Variants in SRA1 observed in about 807,000 individuals in gnomAD.
SRA1 encodes steroid receptor RNA activator 1, also known as lncRNA SRA.
SRA1 carries 25 observed loss-of-function variants against 24.3 expected under a neutral mutation model. The ratio of observed to expected loss-of-function variants is 1.03; its 90% CI spans 0.75 to 1.43. SRA1 has a LOEUF of 1.43. Ranked by LOEUF, SRA1 falls within the 40% of genes most tolerant of loss-of-function variation. The pLI is 0.00. For missense variants in SRA1, 303 were observed against 286.6 expected, an observed-to-expected ratio of 1.06 and a Z score of -0.41; for synonymous variants, 104 against 109.5, an observed-to-expected ratio of 0.95 and a Z score of 0.31.
chr5:140,557,118 C>A (rs1467534580), intron 2 of SRA1, 29 bp downstream of exon 2: 2 of 1,238,318 alleles, frequency 1.6e-6, no homozygotes, highest in African/African-American at 1.7e-5. Flanking sequence ...CATTCTCCGT[C>A]TGTCTCCGAG....
chr5:140,551,287 G>T (rs1754554318), intron 3 of SRA1, 118 bp from the exon 4 acceptor site: 2 of 714,950 alleles, frequency 2.8e-6, no homozygotes, highest in Middle Eastern at 4.0e-4. Flanking sequence ...TAGAATTCTG[G>T]TTCTTTACCC....
At position 140,552,029 on chromosome 5, in the gene SRA1, GCA is replaced by G. The variant is rs1425130764; in HGVS notation, c.305_306del (p.Val102AlafsTer21). The G allele has an allele frequency of 1.3e-6, 2 of 1,592,556 alleles. No individual in the cohort carries two copies. Among genetic ancestry groups the G allele is most frequent in the Non-Finnish European group, 1.7e-6 (2 of 1,168,698 alleles). On this transcript the variant is annotated frameshift_variant, in exon 3 of 5. Coordinates refer to ENST00000336283, the MANE Select transcript of SRA1 (RefSeq NM_001035235.4). LOFTEE classifies it high-confidence loss of function. Reference sequence around the variant, plus strand: ...TCCAATGCCTGTTCCAAAGGTCTCAGCACATCCTCCATCACAGCCTCAGACTC... The same window carrying G: ...TCCAATGCCTGTTCCAAAGGTCTCAGCATCCTCCATCACAGCCTCAGACTC... ...PVESEAVMED[V>X]LRPLEQALED...
At position 140,550,875 on chromosome 5, in the gene SRA1, A is replaced by G. The variant is rs148108594; in HGVS notation, c.500T>C (p.Ile167Thr). 958 of 1,614,068 alleles carry G rather than the reference A, an allele frequency of 5.9e-4. 4 individuals are homozygous for G. The Middle Eastern group carries it at 0.013, about 21-fold the overall frequency. Reference sequence around the variant, plus strand: ...ATGGTCAACCATGAGGGAGCGGTGGATGTCATCTGCTGCGTCCCACCGGTG... The same window carrying G: ...ATGGTCAACCATGAGGGAGCGGTGGGTGTCATCTGCTGCGTCCCACCGGTG... ...SSHRWDAADD[I>T]HRSLMVDHVT... The change falls in exon 5 of 5, where the codon ATC becomes ACC. Residue 167 changes from isoleucine to threonine, a missense_variant. By Grantham distance (89) the Ile-to-Thr change is moderately conservative. Coordinates refer to ENST00000336283, the MANE Select transcript of SRA1 (RefSeq NM_001035235.4).
chr5:140,550,884 G>A lies in SRA1; in HGVS notation c.491C>T (p.Ala164Val). The A allele has an allele frequency of 6.2e-7, 1 of 1,614,112 alleles. No homozygotes were observed. The highest frequency in any genetic ancestry group is 1.3e-5 in the African/African-American group (1 of 75,022). The stretch of plus-strand genomic sequence containing the variant: ...CATGAGGGAGCGGTGGATGTCATCT[G>A]CTGCGTCCCACCGGTGGCTTGAAAG... ...QELSSHRWDAADDIHRSLMVD... is the reference protein window; with the variant it reads ...QELSSHRWDAVDDIHRSLMVD... Residue 164 changes from alanine (A) to valine (V), a missense_variant, in exon 5 of 5, where the codon GCA becomes GTA. Physicochemically the swap from Ala to Val is moderately conservative, Grantham distance 64 (BLOSUM62 0). Transcript: ENST00000336283.
chr5:140,552,316 C>T (rs1401642095), intron 2 of SRA1, 132 bp from the exon 3 acceptor site: 1 of 693,942 alleles, frequency 1.4e-6, no homozygotes. Context: ...TATGAAGTCC[C>T]CACTCTACGC....
chr5:140,550,869 C>T lies in SRA1; in HGVS notation c.506G>A (p.Arg169His), dbSNP rs773880085. The change falls in exon 5 of 5, where the codon CGC becomes CAC. Residue 169 changes from arginine to histidine, a missense_variant. Arg to His is a conservative substitution (Grantham distance 29, BLOSUM62 0). Transcript: ENST00000336283. Reference sequence around the variant, plus strand: ...AGTCACATGGTCAACCATGAGGGAGCGGTGGATGTCATCTGCTGCGTCCCA... The same window carrying T: ...AGTCACATGGTCAACCATGAGGGAGTGGTGGATGTCATCTGCTGCGTCCCA... ...HRWDAADDIH[R>H]SLMVDHVTEV... The T allele has an allele frequency of 3.5e-5, 56 of 1,614,040 alleles. No homozygotes were observed. The highest frequency in any genetic ancestry group is 4.3e-5 in the Non-Finnish European group (51 of 1,180,048).
intron 2 of SRA1, among the ~76,000 whole-genome samples, chr5:140,552,825 A>G (rs1168811439): frequency 6.6e-6 from 1 of 152,196 alleles, no homozygotes; most frequent in African/African-American, 2.4e-5. Context: ...TTTAAAAGTT[A>G]GTCAAGTGTG....
rs565102552 is a variant in SRA1 at position 140,552,222 on chromosome 5, A to G, written c.152-38T>C. On this transcript the variant is annotated intron_variant, in intron 2 of 4. Transcript: ENST00000336283. ...AGCAGGATCAAGCAACATGGCTTAA[A>G]TGGGTAAGAAGCTTAACTCTAAATT... 31 of 1,452,688 alleles carry G rather than the reference A, an allele frequency of 2.1e-5. No homozygotes were observed. The South Asian group carries it at 3.9e-4, about 18-fold the overall frequency. The allele number at this position is 1,452,688 out of a possible 1,614,324, so 90.0% of individuals were successfully genotyped here. A position where few individuals can be genotyped will look rare whatever the true frequency, so the allele number is the denominator to read the frequency against.
In SRA1 at chr5:140,557,409, GC is replaced by G; in HGVS notation, c.25+18del. The G allele has an allele frequency of 6.3e-7, 1 of 1,585,816 alleles. No homozygotes were observed. Among genetic ancestry groups the G allele is most frequent in the Non-Finnish European group, 8.6e-7 (1 of 1,168,450 alleles). ...GCCGGGGCGACAACCTAGTGCCCTA[GC>G]CCGCCGGCTGCGCTCACCCGGCTTC... On this transcript the variant is annotated intron_variant, in intron 1 of 4. Coordinates refer to ENST00000336283, the MANE Select transcript of SRA1 (RefSeq NM_001035235.4).
chr5:140,556,572 CA>C (rs1754702005), intron 2 of SRA1, among the ~76,000 whole-genome samples: 1 of 152,098 alleles, frequency 6.6e-6, no homozygotes, highest in Non-Finnish European at 1.5e-5. Flanking sequence ...GTTACCCAGT[CA>C]TATTACATCA....
chr5:140,556,195 A>G (rs890330492), intron 2 of SRA1, among the ~76,000 whole-genome samples: 1 of 152,240 alleles, frequency 6.6e-6, no homozygotes, highest in Non-Finnish European at 1.5e-5. Context: ...GCTGAGTTTA[A>G]GAAACCAAGC....
intron 4 of SRA1, 28 bp downstream of exon 4, chr5:140,551,033 T>C (rs1282029504): frequency 5.0e-6 from 8 of 1,597,914 alleles, no homozygotes; most frequent in East Asian, 2.2e-5. Flanking sequence ...GAAAGGGATT[T>C]AGGCTATACC....
rs113323395 is a variant in SRA1 at position 140,550,482 on chromosome 5, G to T, written c.*218C>A. On this transcript the variant is annotated 3_prime_UTR_variant, in exon 5 of 5. Transcript: ENST00000336283. ...GAGGGGACTAGCTTGGCACCGGAAGGGTTCATCTCTCCTACCCAAGGCCCA... is the reference window on the plus strand; with the variant it reads ...GAGGGGACTAGCTTGGCACCGGAAGTGTTCATCTCTCCTACCCAAGGCCCA... The T allele has an allele frequency of 3.7e-4, 217 of 593,272 alleles. No individual in the cohort carries two copies. Among genetic ancestry groups the T allele is most frequent in the African/African-American group, 3.3e-3 (178 of 53,768 alleles). The allele number at this position is 593,272 out of a possible 1,614,324, so 36.8% of individuals were successfully genotyped here. A position where few individuals can be genotyped will look rare whatever the true frequency, so the allele number is the denominator to read the frequency against.
At chr5:140,556,985 G>C (rs1238200142) in intron 2 of SRA1, among the ~76,000 whole-genome samples, 162 bp downstream of exon 2, 1 of 152,116 alleles carries the variant, frequency 6.6e-6, no homozygotes, top group Non-Finnish European at 1.5e-5. Context: ...CAGCAGAGAA[G>C]GGGCTCGGAA....
upstream of SRA1, chr5:140,557,502 C>T (rs1194331410): frequency 5.8e-6 from 9 of 1,538,892 alleles, no homozygotes; most frequent in East Asian, 2.0e-4. Flanking sequence ...CGGGGCGGCC[C>T]CTCACGCGGG....
rs751908124 is a variant in SRA1 at position 140,552,052 on chromosome 5, G to GA, written c.283dup (p.Ser95PhefsTer2). Reference sequence around the variant, plus strand: ...CAGCACATCCTCCATCACAGCCTCAGACTCGACTGGGAAACTTGTGGGCTC... The same window carrying GA: ...CAGCACATCCTCCATCACAGCCTCAGAACTCGACTGGGAAACTTGTGGGCTC... On this transcript the variant is annotated frameshift_variant, in exon 3 of 5. Coordinates refer to ENST00000336283, the MANE Select transcript of SRA1 (RefSeq NM_001035235.4). LOFTEE classifies it high-confidence loss of function. The GA allele has an allele frequency of 2.0e-5, 32 of 1,567,952 alleles. No individual in the cohort carries two copies. Among genetic ancestry groups the GA allele is most frequent in the Non-Finnish European group, 2.8e-5 (32 of 1,144,808 alleles).
At chr5:140,551,414 C>A in intron 3 of SRA1, 1 of 446,764 alleles carries the variant, frequency 2.2e-6, no homozygotes, top group Non-Finnish European at 4.0e-6. Flanking sequence ...ATTCTCTCAT[C>A]TTCCCACCAC....
At chr5:140,556,809 G>A (rs1421332879) in intron 2 of SRA1, among the ~76,000 whole-genome samples, 3 of 152,024 alleles carry the variant, frequency 2.0e-5, no homozygotes, top group Non-Finnish European at 1.5e-5. Context: ...AGTGAAGACA[G>A]AATGGACAAA....
rs1440477902 is a variant in SRA1 at position 140,550,253 on chromosome 5, C to T, written c.*447G>A. On this transcript the variant is annotated 3_prime_UTR_variant, in exon 5 of 5. Coordinates refer to ENST00000336283, the MANE Select transcript of SRA1 (RefSeq NM_001035235.4). ...CCTTTTGTTGAGGGAAAAGTCTCCC[C>T]GTTCTATTTGAGTCTGTTCTCATGC... 1.6e-5 allele frequency: 3 copies of T among 193,044 alleles called. No individual in the cohort carries two copies. Among genetic ancestry groups the T allele is most frequent in the East Asian group, 1.3e-4 (1 of 7,524 alleles). 12.0% of individuals were successfully genotyped at this position (193,044 alleles called of 1,614,324 possible).
Sources: allele counts gnomAD v4.1 joint callset (sites outside exome capture counted in the v4.1 genomes callset), GRCh38; gene constraint gnomAD v4.1.1; transcripts MANE v1.5; gene names NCBI Gene and HGNC (gene_info 2026-07-23, HGNC 2026-07-21).